Variants in CASD1 observed in about 807,000 individuals in gnomAD.
The protein encoded by CASD1 is CAS1 domain sialic acid O acetyltransferase 1.
In CASD1, 41 loss-of-function variants were observed where a neutral mutation model predicts 100.0. The ratio of observed to expected loss-of-function variants is 0.41; its 90% CI spans 0.32 to 0.53. The LOEUF is 0.53. Among genes scored for constraint, CASD1 ranks in the 20% least tolerant of loss-of-function variants. The pLI, the probability that CASD1 is intolerant of heterozygous loss-of-function variation, is 0.25. For synonymous variants in CASD1, 321 were observed against 315.6 expected (o/e 1.02, Z -0.18); for missense variants, 774 against 948.7 (o/e 0.82, Z 2.42).
chr7:94,603,556 A>T, the CASD1 span: 1 of 1,051,794 alleles, frequency 9.5e-7, no homozygotes, highest in Non-Finnish European at 1.4e-6. Context: ...TGAGAGATTA[A>T]CTAGACTCAT....
At chr7:94,549,723 A>T in intron 14 of CASD1, 89 bp downstream of exon 14, 1 of 931,142 alleles carries the variant, frequency 1.1e-6, no homozygotes, top group Non-Finnish European at 1.6e-6. Context: ...ACTTAGTTTC[A>T]GAATAAATAA....
chr7:94,539,963 G>A (rs1451705218), intron 10 of CASD1, among the ~76,000 whole-genome samples: 3 of 152,112 alleles, frequency 2.0e-5, no homozygotes, highest in Admixed American at 6.6e-5. Flanking sequence ...CTCTGGTGTG[G>A]AAGACCCTTC....
At chr7:94,588,298 A>G in the CASD1 span, 3 of 1,070,798 alleles carry the variant, frequency 2.8e-6, no homozygotes, top group Non-Finnish European at 3.4e-6. Context: ...ATTAGTCACA[A>G]TGGTTTCCTT....
intron 10 of CASD1, 98 bp downstream of exon 10, chr7:94,539,154 C>T: frequency 1.9e-6 from 1 of 529,742 alleles, no homozygotes; most frequent in Non-Finnish European, 3.3e-6. Context: ...TAATCTCTAC[C>T]AGTTATAGAC....
At chr7:94,618,986 C>A in the CASD1 span, 12 of 1,441,680 alleles carry the variant, frequency 8.3e-6, no homozygotes, top group Non-Finnish European at 1.2e-5. Flanking sequence ...GCATGCATAT[C>A]TTTAATGAAG....
intron 10 of CASD1, among the ~76,000 whole-genome samples, chr7:94,541,734 A>G (rs1795413758): frequency 6.6e-6 from 1 of 151,912 alleles, no homozygotes; most frequent in South Asian, 2.1e-4. Flanking sequence ...TGTTGTAGGT[A>G]ATACAGCAAA....
intron 3 of CASD1, chr7:94,524,400 T>A (rs898332771): frequency 6.6e-6 from 1 of 152,068 alleles, no homozygotes; most frequent in Non-Finnish European, 1.5e-5. Flanking sequence ...TCAGGGAGCA[T>A]GGCCAGGCAT....
the CASD1 span, among the ~76,000 whole-genome samples, chr7:94,582,893 T>C: frequency 1.3e-5 from 2 of 152,254 alleles, no homozygotes; most frequent in African/African-American, 4.8e-5. Context: ...ACTCTCTGAC[T>C]TATAGTAACA....
At chr7:94,517,990 A>G (rs925065108) in intron 2 of CASD1, among the ~76,000 whole-genome samples, 2 of 152,240 alleles carry the variant, frequency 1.3e-5, no homozygotes, top group Admixed American at 6.5e-5. Flanking sequence ...GTTAGAGTAC[A>G]TCTTAAACAT....
At chr7:94,517,774 G>C in intron 2 of CASD1, 118 bp downstream of exon 2, 1 of 596,536 alleles carries the variant, frequency 1.7e-6, no homozygotes, top group Non-Finnish European at 2.9e-6. Context: ...TGCTGACTGA[G>C]TGTAGGGCTG....
chr7:94,511,424 A>G (rs147703070), intron 1 of CASD1, among the ~76,000 whole-genome samples: 136 of 152,202 alleles, frequency 8.9e-4, no homozygotes, highest in African/African-American at 2.7e-3. Context: ...AAAATATTGT[A>G]CTCTAGAGCC....
chr7:94,576,241 T>C, the CASD1 span, among the ~76,000 whole-genome samples: 3 of 152,324 alleles, frequency 2.0e-5, no homozygotes, highest in East Asian at 5.8e-4. Flanking sequence ...TGCTGATTCT[T>C]TCTGCTGCCT....
intron 16 of CASD1, 31 bp from the exon 17 acceptor site, chr7:94,554,452 A>G (rs1427336923): frequency 3.0e-6 from 4 of 1,348,126 alleles, no homozygotes; most frequent in Admixed American, 3.6e-5. Flanking sequence ...TAAAGAGATT[A>G]TTAATATTTG....
At position 94,547,089 on chromosome 7, in the gene CASD1, C is replaced by T. The variant is rs763523520; in HGVS notation, c.1634-7C>T. ...TTTTTTAGTAAATTAAATATTTTCT[C>T]TCTTAGGAAATTGTTTCTGGCATTT... On this transcript the variant is annotated splice_polypyrimidine_tract_variant and splice_region_variant and intron_variant, in intron 12 of 17. Transcript: ENST00000297273. The T allele has an allele frequency of 1.3e-6, 2 of 1,552,886 alleles. No individual in the cohort carries two copies. The highest frequency in any genetic ancestry group is 1.8e-6 in the Non-Finnish European group (2 of 1,141,646).
chr7:94,545,716 T>C lies in CASD1; in HGVS notation c.1633+15T>C. On this transcript the variant is annotated intron_variant, in intron 12 of 17. Coordinates refer to ENST00000297273, the MANE Select transcript of CASD1 (RefSeq NM_022900.5). The stretch of plus-strand genomic sequence containing the variant: ...AAAAGCAAACGGTAAATATACTTTC[T>C]TACTAATGTTAGTAAATATATTTTT... 6.6e-7 allele frequency: 1 copy of C among 1,510,512 alleles called. No individual in the cohort carries two copies. Among genetic ancestry groups the C allele is most frequent in the East Asian group, 2.3e-5 (1 of 43,768 alleles). The allele number at this position is 1,510,512 out of a possible 1,614,324, so 93.6% of individuals were successfully genotyped here.
chr7:94,587,605 G>T, the CASD1 span: 2 of 1,381,698 alleles, frequency 1.4e-6, no homozygotes, highest in Non-Finnish European at 1.9e-6. Flanking sequence ...AACAAAGTTT[G>T]TTCCTTCATC....
the CASD1 span, chr7:94,598,568 A>G: frequency 3.4e-6 from 2 of 585,726 alleles, no homozygotes; most frequent in Non-Finnish European, 6.1e-6. Context: ...TCTTGTTTGG[A>G]TCAGTGGGGG....
the CASD1 span, chr7:94,603,529 G>T: frequency 7.1e-7 from 1 of 1,399,370 alleles, no homozygotes. Context: ...TTAAAAGCAG[G>T]ATTTAGCCTT....
chr7:94,545,747 G>A lies in CASD1; in HGVS notation c.1633+46G>A, dbSNP rs201279926. ...ATGTTAGTAAATATATTTTTTCAAC[G>A]TGTGAAATTTCTTTGTAGTTGCTAA... On this transcript the variant is annotated intron_variant, in intron 12 of 17. Coordinates refer to ENST00000297273, the MANE Select transcript of CASD1 (RefSeq NM_022900.5). 2.0e-5 allele frequency: 27 copies of A among 1,323,880 alleles called. No individual in the cohort carries two copies. In the East Asian group the frequency reaches 4.6e-4, roughly 23 times the overall value. 82.0% of individuals were successfully genotyped at this position (1,323,880 alleles called of 1,614,324 possible).
Sources: gnomAD v4.1 joint callset for allele counts (sites outside exome capture counted in the v4.1 genomes callset) on GRCh38, gnomAD v4.1.1 for gene constraint, MANE v1.5 for transcripts, NCBI Gene and HGNC (gene_info 2026-07-23, HGNC 2026-07-21) for gene names.